Variants in PSG5 observed in about 807,000 individuals in gnomAD.
PSG5 encodes pregnancy specific beta-1-glycoprotein 5.
A neutral mutation model predicts 37.7 loss-of-function variants in PSG5; 53 were observed. That is an observed-to-expected ratio of 1.41 (90% CI 1.13 to 1.77). The LOEUF (loss-of-function observed/expected upper bound fraction) is 1.77, where lower values mean the gene tolerates loss of function less well. PSG5 is among the 40% of genes most tolerant of loss of function. The probability of loss-of-function intolerance (pLI) is 0.00; values close to 1 mark genes in which losing one functional copy is unlikely to be tolerated. For missense variants in PSG5, 547 were observed against 405.2 expected, an observed-to-expected ratio of 1.35 and a Z score of -3.00; for synonymous variants, 221 against 155.4, an observed-to-expected ratio of 1.42 and a Z score of -3.14.
chr19:43,175,676 G>A (rs1216018412), intron 3 of PSG5, 194 bp downstream of exon 3: 8 of 1,387,888 alleles, frequency 5.8e-6, no homozygotes, highest in African/African-American at 4.4e-5. Context: ...CATGACAAGA[G>A]CGCCCCCTCC....
chr19:43,182,704 A>ATTTTTTTTTTTTTTTTTTTTTT (rs1290511014), intron 2 of PSG5, among the ~76,000 whole-genome samples: 1 of 49,080 alleles, frequency 2.0e-5, no homozygotes, highest in East Asian at 4.6e-3. Flanking sequence ...ACATTTCAAT[A>ATTTTTTTTTTTTTTTTTTTTTT]ATTTTTTTTT....
intron 2 of PSG5, among the ~76,000 whole-genome samples, chr19:43,176,839 G>A (rs2122219176): frequency 1.3e-5 from 2 of 151,034 alleles, no homozygotes; most frequent in African/African-American, 4.9e-5. Context: ...CAAGGGGACA[G>A]GCAAGAGCTG....
chr19:43,177,469 G>A (rs975948733), intron 2 of PSG5, among the ~76,000 whole-genome samples: 6 of 150,878 alleles, frequency 4.0e-5, no homozygotes, highest in African/African-American at 1.2e-4. Context: ...AGATTAGTGG[G>A]CAAAAGTGGG....
chr19:43,185,126 T>C lies in PSG5; in HGVS notation c.86A>G (p.Asn29Ser). 1 of 1,607,490 alleles carries C rather than the reference T, an allele frequency of 6.2e-7. No individual in the cohort carries two copies. The highest frequency in any genetic ancestry group is 1.3e-5 in the African/African-American group (1 of 74,364). Residue 29 changes from asparagine (N) to serine (S), a missense_variant, in exon 2 of 6, where the codon AAC becomes AGC. Asn to Ser is a conservative substitution (Grantham distance 46). Coordinates refer to ENST00000342951, the MANE Select transcript of PSG5 (RefSeq NM_002781.4). ...CGTGACTTGAGCAGTGATAGGCAGG[T>C]TCCAGAAGTTTAAAAGTGATGCTAG... Reference protein sequence around the residue: ...LLTASLLNFWNLPITAQVTIE... With the variant: ...LLTASLLNFWSLPITAQVTIE...
intron 1 of PSG5, 125 bp downstream of exon 1, chr19:43,186,217 C>T (rs1966936644): frequency 6.6e-7 from 1 of 1,504,044 alleles, no homozygotes; most frequent in Non-Finnish European, 9.1e-7. Context: ...ATCTCATAAT[C>T]CACCCACCTC....
rs534501295 is a variant in PSG5, at chr19:43,184,973, G to A, written c.239C>T (p.Thr80Ile). 9.4e-5 allele frequency: 152 copies of A among 1,612,466 alleles called. 5 individuals are homozygous for A. The Middle Eastern group carries it at 2.1e-3, about 23-fold the overall frequency. ...GQLMDLYHYI[T>I]SYVVDGQINI... ...TATTTGACCGTCTACTACATATGAT[G>A]TAATGTAATGGTAGAGGTCCATCAG... The change falls in exon 2 of 6, where the codon ACA (threonine) becomes ATA (isoleucine). Residue 80 changes from threonine to isoleucine, a missense_variant. Thr to Ile is a moderately conservative substitution (Grantham distance 89). Transcript: ENST00000342951.
At chr19:43,168,853 G>A (rs1365856250) in intron 5 of PSG5, among the ~76,000 whole-genome samples, 2 of 151,394 alleles carry the variant, frequency 1.3e-5, no homozygotes, top group Non-Finnish European at 1.5e-5. Context: ...CATAAATAGG[G>A]CCAAAAATGT....
At chr19:43,186,259 T>C (rs1442452900) in intron 1 of PSG5, 83 bp downstream of exon 1, 49 of 1,597,050 alleles carry the variant, frequency 3.1e-5, no homozygotes, top group African/African-American at 4.1e-5. Flanking sequence ...CTTTTATTTT[T>C]TAGAACCCCA....
intron 1 of PSG5, among the ~76,000 whole-genome samples, chr19:43,185,941 A>G (rs1414529224): frequency 1.3e-5 from 2 of 148,958 alleles, no homozygotes; most frequent in African/African-American, 2.5e-5. Flanking sequence ...CCAGGCTCCA[A>G]CAGAGACTTC....
At chr19:43,181,471 T>A (rs1156429531) in intron 2 of PSG5, among the ~76,000 whole-genome samples, 1 of 151,576 alleles carries the variant, frequency 6.6e-6, no homozygotes, top group East Asian at 1.9e-4. Flanking sequence ...CAGCATTTTT[T>A]TTTCTGAGAC....
chr19:43,174,785 T>C lies in PSG5; in HGVS notation c.964+430A>G, dbSNP rs746581613. 1.2e-4 allele frequency: 147 copies of C among 1,177,760 alleles called. 1 individual carries two copies. The highest frequency in any genetic ancestry group is 9.9e-4 in the Middle Eastern group (3 of 3,022). The allele number at this position is 1,177,760 out of a possible 1,614,324, so 73.0% of individuals were successfully genotyped here. ...CTCCTCCCTCACCCAAGGGGCTTCC[T>C]CGTCTCATTTGGGGGAAAAGTGTGA... On this transcript the variant is annotated intron_variant, in intron 4 of 5. Coordinates refer to ENST00000342951, the MANE Select transcript of PSG5 (RefSeq NM_002781.4).
chr19:43,183,992 A>G (rs1969188489), intron 2 of PSG5, among the ~76,000 whole-genome samples: 1 of 151,730 alleles, frequency 6.6e-6, no homozygotes, highest in Admixed American at 6.6e-5. Flanking sequence ...GGTTTCACAC[A>G]AACAGCATTT....
intron 5 of PSG5, among the ~76,000 whole-genome samples, 166 bp from the exon 6 acceptor site, chr19:43,168,369 A>T (rs1018265021): frequency 2.7e-5 from 4 of 150,870 alleles, no homozygotes; most frequent in South Asian, 2.1e-4. Context: ...ATACTCATTT[A>T]AAAAAATTTT....
At chr19:43,178,623 C>G (rs546584826) in intron 2 of PSG5, among the ~76,000 whole-genome samples, 2 of 151,682 alleles carry the variant, frequency 1.3e-5, no homozygotes, top group South Asian at 4.2e-4. Context: ...TGATCTGGAG[C>G]CTGAGACATT....
rs1968861229 is a variant in PSG5, at chr19:43,169,621, CTTGA to C, written c.*40+430_*40+433del. ...AGGCTAGAGTAGACCCCTGCAGATT[CTTGA>C]TTAAGTGAATTAACTAGATTTTAGA... On this transcript the variant is annotated intron_variant, in intron 5 of 5. Transcript: ENST00000342951. Among the ~76,000 whole-genome samples the C allele has an allele frequency of 2.0e-5, 3 of 151,562 alleles. No homozygotes were observed. The South Asian group carries it at 6.2e-4, about 31-fold the overall frequency.
chr19:43,184,691 A>T (rs1283561131), intron 2 of PSG5, 91 bp downstream of exon 2: 1 of 1,590,544 alleles, frequency 6.3e-7, no homozygotes, highest in Non-Finnish European at 8.6e-7. Flanking sequence ...AGAGAGGGAC[A>T]CAGGCACAGT....
Position 43,170,170 on chromosome 19 carries a change from A to G in PSG5, c.965-32T>C, listed in dbSNP as rs773885519. ...TGGAAAGAAAAGTAAAGAAGGAATG[A>G]AGGTGATGTTATTTTACATGGGGGA... On this transcript the variant is annotated intron_variant, in intron 4 of 5. Coordinates refer to ENST00000342951, the MANE Select transcript of PSG5 (RefSeq NM_002781.4). 3 of 1,541,282 alleles carry G rather than the reference A, an allele frequency of 1.9e-6. No individual in the cohort carries two copies. The Admixed American group carries it at 5.1e-5, about 26-fold the overall frequency.
At position 43,183,494 on chromosome 19, in the gene PSG5, G is replaced by A. The variant is rs1409691054; in HGVS notation, c.430+1288C>T. 3.8e-6 allele frequency: 2 copies of A among 528,472 alleles called. 1 individual carries two copies. Among genetic ancestry groups the A allele is most frequent in the Non-Finnish European group, 7.7e-6 (2 of 258,840 alleles). The allele number at this position is 528,472 out of a possible 1,614,324, so 32.7% of individuals were successfully genotyped here. A position where few individuals can be genotyped will look rare whatever the true frequency, so the allele number is the denominator to read the frequency against. Reference sequence around the variant, plus strand: ...GGTCTGAGTGGGGAAAGAAAACAAAGTCCTCTCCTTGATCCTTTCATGACA... The same window carrying A: ...GGTCTGAGTGGGGAAAGAAAACAAAATCCTCTCCTTGATCCTTTCATGACA... On this transcript the variant is annotated intron_variant, in intron 2 of 5. Coordinates refer to ENST00000342951, the MANE Select transcript of PSG5 (RefSeq NM_002781.4).
intron 4 of PSG5, among the ~76,000 whole-genome samples, chr19:43,172,000 A>G (rs28820636): frequency 6.8e-6 from 1 of 147,394 alleles, no homozygotes; most frequent in Non-Finnish European, 1.5e-5. Context: ...AAAAAAAAAG[A>G]AAAAGAAAGA....
Sources: allele counts gnomAD v4.1 joint callset (sites outside exome capture counted in the v4.1 genomes callset), GRCh38; gene constraint gnomAD v4.1.1; transcripts MANE v1.5; gene names NCBI Gene and HGNC (gene_info 2026-07-23, HGNC 2026-07-21).